Variants in ADAMTS18 observed in about 807,000 individuals in gnomAD.
The protein encoded by ADAMTS18 is ADAM metallopeptidase with thrombospondin type 1 motif 18, also known as A disintegrin and metalloproteinase with thrombospondin motifs 18.
In ADAMTS18, 157 loss-of-function variants were observed where a neutral mutation model predicts 165.9. The observed-to-expected ratio is 0.95, with a 90% confidence interval of 0.83 to 1.08. ADAMTS18 has a LOEUF of 1.08. ADAMTS18 is among the 50% of genes least tolerant of loss of function. The probability of loss-of-function intolerance (pLI) is 0.00; values close to 1 mark genes in which losing one functional copy is unlikely to be tolerated. For missense variants in ADAMTS18, 2,040 were observed against 1,534.0 expected (o/e 1.33, Z -5.51); for synonymous variants, 782 against 578.2 (o/e 1.35, Z -5.06).
chr16:77,285,176 T>C (rs1429011929), intron 22 of ADAMTS18, among the ~76,000 whole-genome samples: 3 of 151,582 alleles, frequency 2.0e-5, no homozygotes, highest in Non-Finnish European at 4.4e-5. Flanking sequence ...CCCAGTCATT[T>C]CACTGTTTTG....
At chr16:77,298,679 C>G (rs2055522411) in intron 17 of ADAMTS18, among the ~76,000 whole-genome samples, 2 of 152,146 alleles carry the variant, frequency 1.3e-5, no homozygotes, top group Non-Finnish European at 1.5e-5. Context: ...GCAGTCCAAG[C>G]TACTTAGGAC....
chr16:77,359,175 C>G (rs891134), intron 8 of ADAMTS18, 143 bp downstream of exon 8: 419,638 of 772,492 alleles, frequency 0.54, 118,273 homozygotes, highest in Non-Finnish European at 0.59. Context: ...TTAGTGAGCC[C>G]TTTGTATAGT....
chr16:77,338,124 G>T (rs2056339774), intron 11 of ADAMTS18, among the ~76,000 whole-genome samples: 1 of 152,056 alleles, frequency 6.6e-6, no homozygotes, highest in South Asian at 2.1e-4. Flanking sequence ...GGCTGGTCTT[G>T]AACTCCTGAC....
chr16:77,337,267 C>T (rs1172515544), intron 11 of ADAMTS18, among the ~76,000 whole-genome samples: 2 of 152,132 alleles, frequency 1.3e-5, no homozygotes, highest in African/African-American at 2.4e-5. Flanking sequence ...CCGGGAATCA[C>T]GAGGACTCTA....
chr16:77,282,172 T>C lies in ADAMTS18; in HGVS notation c.*1784A>G, dbSNP rs1220077660. ...ATACTTTATTATAAAACTTATAAAA[T>C]AATTAAATATTACACATATATTTTG... On this transcript the variant is annotated 3_prime_UTR_variant, in exon 23 of 23. Coordinates refer to ENST00000282849, the MANE Select transcript of ADAMTS18 (RefSeq NM_199355.4). 1 of 152,176 alleles carries C rather than the reference T, an allele frequency of 6.6e-6. No homozygotes were observed. The highest frequency in any genetic ancestry group is 1.5e-5 in the Non-Finnish European group (1 of 68,024). 9.4% of individuals were successfully genotyped at this position (152,176 alleles called of 1,614,324 possible).
chr16:77,310,198 G>T (rs1232095080), intron 16 of ADAMTS18, among the ~76,000 whole-genome samples: 1 of 152,178 alleles, frequency 6.6e-6, no homozygotes, highest in African/African-American at 2.4e-5. Flanking sequence ...TTTGAAAGAA[G>T]ATTGCAACGA....
chr16:77,359,398 G>A lies in ADAMTS18; in HGVS notation c.1242C>T (p.Cys414=), dbSNP rs1456076426. ...TLGFAPISGM[C]SKYRSCTINE... ...TGATGGTACAACTTCGGTACTTAGA[G>A]CACATTCCACTGATGGGGGCAAACC... Residue 414 remains cysteine, a synonymous_variant, in exon 8 of 23, where the codon TGC becomes TGT. Transcript: ENST00000282849. The A allele has an allele frequency of 2.5e-6, 4 of 1,613,880 alleles. No homozygotes were observed. The highest frequency in any genetic ancestry group is 2.2e-5 in the East Asian group (1 of 44,890).
chr16:77,431,636 C>T, intron 2 of ADAMTS18, 25 bp from the exon 3 acceptor site: 2 of 1,611,968 alleles, frequency 1.2e-6, no homozygotes, highest in Non-Finnish European at 1.7e-6. Flanking sequence ...GTTCAGCTGT[C>T]AGCACCCAGA....
chr16:77,379,858 C>G (rs1365620533), intron 3 of ADAMTS18, among the ~76,000 whole-genome samples: 1 of 152,154 alleles, frequency 6.6e-6, no homozygotes, highest in Non-Finnish European at 1.5e-5. Flanking sequence ...ACTTCAAGGT[C>G]ACTTCACAGA....
At chr16:77,331,279 T>C (rs1252262209) in intron 12 of ADAMTS18, among the ~76,000 whole-genome samples, 3 of 152,170 alleles carry the variant, frequency 2.0e-5, no homozygotes, top group Non-Finnish European at 4.4e-5. Flanking sequence ...AGCTATTGAA[T>C]TAGGTAATCT....
chr16:77,286,186 G>T (rs2055247128), intron 22 of ADAMTS18, among the ~76,000 whole-genome samples: 3 of 152,060 alleles, frequency 2.0e-5, no homozygotes, highest in Non-Finnish European at 4.4e-5. Flanking sequence ...TCTCTGCCAG[G>T]AACACTCTCC....
chr16:77,389,426 T>C (rs1567534091), intron 3 of ADAMTS18, among the ~76,000 whole-genome samples: 1 of 152,182 alleles, frequency 6.6e-6, no homozygotes, highest in Admixed American at 6.5e-5. Context: ...AGTGGCATGG[T>C]GTTACGGAAA....
intron 12 of ADAMTS18, among the ~76,000 whole-genome samples, chr16:77,328,698 A>C (rs1464392785): frequency 6.6e-6 from 1 of 152,174 alleles, no homozygotes; most frequent in Non-Finnish European, 1.5e-5. Flanking sequence ...TTTAAAACTA[A>C]TTTCTCAGTT....
intron 12 of ADAMTS18, among the ~76,000 whole-genome samples, chr16:77,333,192 C>T (rs1458991916): frequency 6.6e-6 from 1 of 152,122 alleles, no homozygotes; most frequent in Non-Finnish European, 1.5e-5. Flanking sequence ...CCATACCTTC[C>T]CTCGGTGCAC....
At chr16:77,414,134 A>C (rs1057104503) in intron 3 of ADAMTS18, among the ~76,000 whole-genome samples, 5 of 152,218 alleles carry the variant, frequency 3.3e-5, no homozygotes, top group African/African-American at 1.2e-4. Flanking sequence ...CCAAACCAAA[A>C]TATCAACCTG....
rs35478105 is a variant in ADAMTS18, at chr16:77,291,428, G to T, written c.3240C>A (p.Ser1080Arg). Residue 1080 changes from serine (S) to arginine (R), a missense_variant, in exon 21 of 23, where the codon AGC becomes AGA. Ser to Arg is a moderately radical substitution (Grantham distance 110). Transcript: ENST00000282849. ...LGVRKREMKC[S>R]EKGFQGKLIT... ...TCAGCTTTCCCTGGAAGCCCTTCTC[G>T]CTGCACTTCATCTCCCTCTTCCTCA... The T allele has an allele frequency of 0.45, 721,864 of 1,613,778 alleles. 172,834 individuals carry two copies. Among genetic ancestry groups the T allele is most frequent in the Non-Finnish European group, 0.5 (588,702 of 1,179,852 alleles).
chr16:77,284,117 C>G, intron 22 of ADAMTS18, 46 bp from the exon 23 acceptor site: 1 of 1,285,010 alleles, frequency 7.8e-7, no homozygotes, highest in Non-Finnish European at 1.1e-6. Flanking sequence ...GGTGTCTATC[C>G]TTTTTCTTTT....
intron 16 of ADAMTS18, among the ~76,000 whole-genome samples, chr16:77,310,121 C>T (rs2055753250): frequency 6.6e-6 from 1 of 152,140 alleles, no homozygotes; most frequent in Non-Finnish European, 1.5e-5. Context: ...GGTTCTGGTC[C>T]CTTCACTCCT....
At chr16:77,372,941 C>G (rs186550654) in intron 3 of ADAMTS18, among the ~76,000 whole-genome samples, 2 of 152,336 alleles carry the variant, frequency 1.3e-5, no homozygotes, top group East Asian at 3.9e-4. Context: ...CCACTAATCT[C>G]TGCATAATCA....
Sources: gnomAD v4.1 joint callset for allele counts (sites outside exome capture counted in the v4.1 genomes callset) on GRCh38, gnomAD v4.1.1 for gene constraint, MANE v1.5 for transcripts, NCBI Gene and HGNC (gene_info 2026-07-23, HGNC 2026-07-21) for gene names.